Variants in ADAMTS16 observed in about 807,000 individuals in gnomAD.
The protein encoded by ADAMTS16 is A disintegrin and metalloproteinase with thrombospondin motifs 16.
A neutral mutation model predicts 145.8 loss-of-function variants in ADAMTS16; 94 were observed. The observed-to-expected ratio is 0.64, with a 90% CI of 0.55 to 0.77. The LOEUF is 0.77. Ranked by LOEUF, ADAMTS16 falls within the 30% of genes least tolerant of loss-of-function variation. The pLI is 0.00. For missense variants in ADAMTS16, 1,585 were observed against 1,591.5 expected, an observed-to-expected ratio of 1.00 and a Z score of 0.07; for synonymous variants, 659 against 604.3, an observed-to-expected ratio of 1.09 and a Z score of -1.33.
chr5:5,199,910 G>GTACAC (rs1191821561), intron 8 of ADAMTS16, among the ~76,000 whole-genome samples: 1 of 152,184 alleles, frequency 6.6e-6, no homozygotes, highest in African/African-American at 2.4e-5. Context: ...TGATATTGGT[G>GTACAC]TACACTTTGA....
chr5:5,201,943 A>G (rs1280381774), intron 9 of ADAMTS16, among the ~76,000 whole-genome samples: 1 of 151,184 alleles, frequency 6.6e-6, no homozygotes, highest in African/African-American at 2.4e-5. Flanking sequence ...TTTTTTATTC[A>G]TATATTTAAT....
intron 8 of ADAMTS16, among the ~76,000 whole-genome samples, chr5:5,194,227 G>C (rs917277493): frequency 6.6e-6 from 1 of 152,212 alleles, no homozygotes; most frequent in Non-Finnish European, 1.5e-5. Context: ...CTGAGACAGA[G>C]AACCTGGAGC....
intron 18 of ADAMTS16, among the ~76,000 whole-genome samples, chr5:5,268,586 A>G (rs543913148): frequency 7.9e-5 from 12 of 152,240 alleles, no homozygotes; most frequent in Non-Finnish European, 1.5e-4. Flanking sequence ...AACTGCCCAG[A>G]GGTATCCCTC....
At chr5:5,237,221 C>T in intron 14 of ADAMTS16, 122 bp downstream of exon 14, 2 of 1,017,808 alleles carry the variant, frequency 2.0e-6, no homozygotes, top group Admixed American at 2.8e-5. Flanking sequence ...AGTTGCAGCC[C>T]AGTGGGGAGA....
chr5:5,265,264 A>G (rs1476082864), intron 18 of ADAMTS16, among the ~76,000 whole-genome samples: 2 of 152,232 alleles, frequency 1.3e-5, no homozygotes, highest in African/African-American at 2.4e-5. Context: ...CCCTGCTGCA[A>G]TAGGGAAAAG....
intron 3 of ADAMTS16, among the ~76,000 whole-genome samples, chr5:5,159,796 CG>C: frequency 6.6e-6 from 1 of 152,274 alleles, no homozygotes; most frequent in African/African-American, 2.4e-5. Flanking sequence ...ATTGCTGACG[CG>C]CACATTTTGA....
In ADAMTS16 at chr5:5,146,294, A is replaced by T. The variant is rs754751389; in HGVS notation, c.340A>T (p.Thr114Ser). ...SRHDFHMDLR[T>S]SSSLVAPGFI... Reference sequence around the variant, plus strand: ...GCACGACTTCCACATGGATCTGAGGACTTCCAGCAGCCTAGTGGCTCCTGG... The same window carrying T: ...GCACGACTTCCACATGGATCTGAGGTCTTCCAGCAGCCTAGTGGCTCCTGG... Residue 114 changes from threonine to serine, a missense_variant, in exon 3 of 23, where the codon ACT becomes TCT. Physicochemically the swap from Thr to Ser is moderately conservative, Grantham distance 58. This residue lies in a region of ADAMTS16 where 453 missense variants were observed against 412.1 expected (regional missense o/e 1.10). Coordinates refer to ENST00000274181, the MANE Select transcript of ADAMTS16 (RefSeq NM_139056.4). 1 of 1,614,046 alleles carries T rather than the reference A, an allele frequency of 6.2e-7. No homozygotes were observed. The highest frequency in any genetic ancestry group is 8.5e-7 in the Non-Finnish European group (1 of 1,180,034).
At chr5:5,300,179 G>C (rs1422956094) in intron 18 of ADAMTS16, among the ~76,000 whole-genome samples, 3 of 152,210 alleles carry the variant, frequency 2.0e-5, no homozygotes, top group Admixed American at 1.3e-4. Flanking sequence ...TGCAGCCTCA[G>C]TGTAGAATAC....
chr5:5,215,897 TA>T (rs1736425002), intron 10 of ADAMTS16, among the ~76,000 whole-genome samples: 2 of 113,884 alleles, frequency 1.8e-5, no homozygotes, highest in Non-Finnish European at 4.1e-5. Context: ...TATATATATA[TA>T]TATATATATA....
At chr5:5,206,455 CTTTAGATTCATTT>C (rs1229324647) in intron 9 of ADAMTS16, among the ~76,000 whole-genome samples, 2 of 140,624 alleles carry the variant, frequency 1.4e-5, no homozygotes, top group African/African-American at 5.2e-5. Flanking sequence ...AAAGATCTGC[CTTTAGATTCATTT>C]TTTAGATTTA....
At chr5:5,247,861 C>A (rs1030432656) in intron 17 of ADAMTS16, among the ~76,000 whole-genome samples, 1 of 152,244 alleles carries the variant, frequency 6.6e-6, no homozygotes, top group Non-Finnish European at 1.5e-5. Context: ...CCTCAGCCTC[C>A]AAGCTCTAGT....
At chr5:5,300,726 G>C (rs1267005103) in intron 18 of ADAMTS16, among the ~76,000 whole-genome samples, 1 of 152,134 alleles carries the variant, frequency 6.6e-6, no homozygotes, top group Non-Finnish European at 1.5e-5. Context: ...CTCCTTCGAG[G>C]TTCTACCACC....
chr5:5,208,050 A>G (rs1338787224), intron 9 of ADAMTS16, among the ~76,000 whole-genome samples: 2 of 152,188 alleles, frequency 1.3e-5, no homozygotes, highest in Non-Finnish European at 2.9e-5. Flanking sequence ...AAATTTAGAA[A>G]GTATTCCCTC....
At chr5:5,308,751 C>A (rs1352635122) in intron 21 of ADAMTS16, among the ~76,000 whole-genome samples, 1 of 152,094 alleles carries the variant, frequency 6.6e-6, no homozygotes, top group African/African-American at 2.4e-5. Flanking sequence ...GAGTTTGAGA[C>A]CAGCCTGCCC....
At chr5:5,208,617 C>T (rs1402461060) in intron 9 of ADAMTS16, among the ~76,000 whole-genome samples, 3 of 152,126 alleles carry the variant, frequency 2.0e-5, no homozygotes, top group African/African-American at 7.2e-5. Flanking sequence ...TCTACAATCT[C>T]GAAGATAATA....
At chr5:5,167,118 A>T (rs1734905940) in intron 3 of ADAMTS16, among the ~76,000 whole-genome samples, 1 of 152,138 alleles carries the variant, frequency 6.6e-6, no homozygotes, top group Admixed American at 6.5e-5. Context: ...TTAACTTCTT[A>T]TGCTTCACAT....
Position 5,316,060 on chromosome 5 carries a change from C to A in ADAMTS16, c.3412-2074C>A, listed in dbSNP as rs138646802. On this transcript the variant is annotated intron_variant, in intron 21 of 22. Coordinates refer to ENST00000274181, the MANE Select transcript of ADAMTS16 (RefSeq NM_139056.4). ...TAAAGATGTTTGACTTGCTCCATCACTGAATCCCATCCCCAGCGATTTAAG... is the reference window on the plus strand; with the variant it reads ...TAAAGATGTTTGACTTGCTCCATCAATGAATCCCATCCCCAGCGATTTAAG... 1.3e-3 allele frequency among the ~76,000 whole-genome samples: 205 copies of A among 152,320 alleles called. 1 individual carries two copies. Among genetic ancestry groups the A allele is most frequent in the Middle Eastern group, 3.4e-3 (1 of 294 alleles).
intron 2 of ADAMTS16, 47 bp downstream of exon 2, chr5:5,140,813 C>A (rs752018691): frequency 1.4e-6 from 2 of 1,480,844 alleles, no homozygotes; most frequent in South Asian, 1.2e-5. Context: ...TTTAGCAGCT[C>A]GTAATCTCCG....
At chr5:5,169,054 T>G (rs1391553430) in intron 3 of ADAMTS16, among the ~76,000 whole-genome samples, 1 of 152,038 alleles carries the variant, frequency 6.6e-6, no homozygotes, top group Non-Finnish European at 1.5e-5. Flanking sequence ...TTTTGGGATT[T>G]GATTTCTCAC....
Sources: allele counts gnomAD v4.1 joint callset (sites outside exome capture counted in the v4.1 genomes callset), GRCh38; gene constraint gnomAD v4.1.1; regional missense constraint gnomAD v4.1.1; transcripts MANE v1.5; gene names NCBI Gene and HGNC (gene_info 2026-07-23, HGNC 2026-07-21).